Variants in IQCB1 observed in about 807,000 individuals in gnomAD.
The protein encoded by IQCB1 is IQ calmodulin-binding motif-containing protein 1.
A neutral mutation model predicts 84.4 loss-of-function variants in IQCB1; 56 were observed. The ratio of observed to expected loss-of-function variants is 0.66; its 90% confidence interval spans 0.54 to 0.83. The LOEUF (loss-of-function observed/expected upper bound fraction) is 0.83, where lower values mean the gene tolerates loss of function less well. Ranked by LOEUF, IQCB1 falls within the 40% of genes least tolerant of loss-of-function variation. The pLI, the probability that IQCB1 is intolerant of heterozygous loss-of-function variation, is 0.00. For missense variants in IQCB1, 629 were observed against 682.1 expected (o/e 0.92, Z 0.87); for synonymous variants, 210 against 234.8 (o/e 0.89, Z 0.96).
chr3:121,781,914 C>A, intron 12 of IQCB1, 40 bp from the exon 13 acceptor site: 1 of 1,599,874 alleles, frequency 6.3e-7, no homozygotes, highest in South Asian at 1.1e-5. Flanking sequence ...TTTTTCTCCC[C>A]TAACTAATAG....
intron 5 of IQCB1, among the ~76,000 whole-genome samples, chr3:121,822,862 T>C (rs1950324775): frequency 2.0e-5 from 3 of 152,196 alleles, no homozygotes. Context: ...TACGAATTTC[T>C]ACAATGTGTC....
At chr3:121,797,278 A>G (rs1398631919) in intron 8 of IQCB1, 51 bp from the exon 9 acceptor site, 1 of 843,008 alleles carries the variant, frequency 1.2e-6, no homozygotes, top group Admixed American at 2.2e-5. Context: ...ATAAAATATG[A>G]TTTTGTTATC....
At position 121,799,258 on chromosome 3, in the gene IQCB1, A is replaced by C. The variant is rs1949315817; in HGVS notation, c.704T>G (p.Leu235Arg). 1 of 1,611,036 alleles carries C rather than the reference A, an allele frequency of 6.2e-7. No homozygotes were observed. The highest frequency in any genetic ancestry group is 8.5e-7 in the Non-Finnish European group (1 of 1,178,008). The change falls in exon 8 of 15, where the codon CTG becomes CGG. Residue 235 changes from leucine (L) to arginine (R), a missense_variant. Physicochemically the swap from Leu to Arg is moderately radical, Grantham distance 102 (BLOSUM62 -2). Transcript: ENST00000310864. ...TTCCTGATGGGATTCAGCCATCAAC[A>C]GTAGGAGTTTTGTAGCAGTACTTCT... ...VIRSTATKLL[L>R]LMAESHQEIL...
At chr3:121,808,437 T>C (rs1050702492) in intron 6 of IQCB1, among the ~76,000 whole-genome samples, 4 of 151,990 alleles carry the variant, frequency 2.6e-5, no homozygotes, top group African/African-American at 9.7e-5. Context: ...TACATGTTTA[T>C]ATCTCTCAAT....
rs1436974051 is a variant in IQCB1 at position 121,788,317 on chromosome 3, TATGAGAGA to T, written c.1237_1244del (p.Ser413ArgfsTer3). The T allele has an allele frequency of 6.2e-7, 1 of 1,613,880 alleles. No homozygotes were observed. The highest frequency in any genetic ancestry group is 8.5e-7 in the Non-Finnish European group (1 of 1,179,960). On this transcript the variant is annotated frameshift_variant, in exon 12 of 15. Coordinates refer to ENST00000310864, the MANE Select transcript of IQCB1 (RefSeq NM_001023570.4). LOFTEE classifies it high-confidence loss of function. ...GAAGTGTGACAGCTGCTTTATACTC[TATGAGAGA>T]CTGCCTCTGTTGGTGAAAATTTTTC...
chr3:121,797,902 T>C (rs1314078075), intron 8 of IQCB1, among the ~76,000 whole-genome samples: 1 of 151,932 alleles, frequency 6.6e-6, no homozygotes. Context: ...TAAGGTAAAA[T>C]TGCCTTGTAG....
At chr3:121,782,483 G>C (rs1948541563) in intron 12 of IQCB1, among the ~76,000 whole-genome samples, 2 of 152,188 alleles carry the variant, frequency 1.3e-5, no homozygotes, top group Non-Finnish European at 2.9e-5. Flanking sequence ...GCCAAATCCA[G>C]CCTGCTGCCT....
chr3:121,781,694 A>T, intron 13 of IQCB1, 49 bp downstream of exon 13: 1 of 1,513,868 alleles, frequency 6.6e-7, no homozygotes, highest in South Asian at 1.1e-5. Context: ...AGTTATCAAT[A>T]TCATGCATTG....
intron 10 of IQCB1, 118 bp downstream of exon 10, chr3:121,795,339 A>G (rs944823299): frequency 5.1e-5 from 37 of 724,876 alleles, no homozygotes; most frequent in Admixed American, 3.1e-4. Context: ...GTATGGAAAA[A>G]AAATGAAAAG....
At chr3:121,829,241 G>A (rs1305139295) in intron 2 of IQCB1, among the ~76,000 whole-genome samples, 1 of 152,152 alleles carries the variant, frequency 6.6e-6, no homozygotes, top group Non-Finnish European at 1.5e-5. Flanking sequence ...AACTGTGATA[G>A]GAGCTTCACA....
chr3:121,801,468 T>A (rs1949403418), intron 7 of IQCB1, among the ~76,000 whole-genome samples: 1 of 152,082 alleles, frequency 6.6e-6, no homozygotes, highest in Non-Finnish European at 1.5e-5. Flanking sequence ...CACAGTCTAA[T>A]CACCCAATAC....
chr3:121,795,477 A>C lies in IQCB1; in HGVS notation c.966T>G (p.Ile322Met). Reference protein sequence around the residue: ...KRLKKLPSAVIALQRSFRSKR... With the variant: ...KRLKKLPSAVMALQRSFRSKR... The stretch of plus-strand genomic sequence containing the variant: ...TTTACCTGAAACTCCTCTGCAAAGC[A>C]ATCACAGCAGATGGAAGCTTCTTTA... Residue 322 changes from isoleucine (I) to methionine (M), a missense_variant, in exon 10 of 15, where the codon ATT becomes ATG. Transcript: ENST00000310864. 1 of 1,600,878 alleles carries C rather than the reference A, an allele frequency of 6.2e-7. No homozygotes were observed. Among genetic ancestry groups the C allele is most frequent in the Non-Finnish European group, 8.6e-7 (1 of 1,169,546 alleles).
chr3:121,800,044 C>G (rs1238458367), intron 7 of IQCB1, among the ~76,000 whole-genome samples: 1 of 151,750 alleles, frequency 6.6e-6, no homozygotes, highest in Non-Finnish European at 1.5e-5. Context: ...TAGAGGTTGG[C>G]TGGTAGAAAA....
In IQCB1 at chr3:121,781,725, G is replaced by A. The variant is rs886038375; in HGVS notation, c.1410+18C>T. The A allele has an allele frequency of 3.1e-6, 5 of 1,607,104 alleles. No homozygotes were observed. In the South Asian group the frequency reaches 3.3e-5, roughly 11 times the overall value. On this transcript the variant is annotated intron_variant, in intron 13 of 14. Coordinates refer to ENST00000310864, the MANE Select transcript of IQCB1 (RefSeq NM_001023570.4). Reference sequence around the variant, plus strand: ...CATTGGAATAATGTAATACTGATATGGTACAGAAGCTTCATACCAAATGTC... The same window carrying A: ...CATTGGAATAATGTAATACTGATATAGTACAGAAGCTTCATACCAAATGTC...
chr3:121,831,903 T>C (rs1266410363), intron 2 of IQCB1, among the ~76,000 whole-genome samples: 1 of 152,240 alleles, frequency 6.6e-6, no homozygotes. Flanking sequence ...GTTATCTCAT[T>C]CTCTCCAAAT....
rs753962090 is a variant in IQCB1, at chr3:121,834,471, C to T, written c.-93G>A. On this transcript the variant is annotated 5_prime_UTR_variant, in exon 2 of 15. It introduces an in-frame stop codon into an upstream open reading frame of the 5' UTR. Transcript: ENST00000310864. ...CCCTCGCCGCGCCTGTTACTGCCTC[C>T]ACGGATCACTGTGAGGAAAATAAAT... The T allele has an allele frequency of 1.2e-4, 18 of 152,238 alleles. No homozygotes were observed. Among genetic ancestry groups the T allele is most frequent in the Admixed American group, 2.6e-4 (4 of 15,276 alleles). 9.4% of individuals were successfully genotyped at this position (152,238 alleles called of 1,614,324 possible).
chr3:121,810,706 A>G (rs1282777999), intron 5 of IQCB1, among the ~76,000 whole-genome samples: 4 of 152,168 alleles, frequency 2.6e-5, no homozygotes, highest in African/African-American at 9.7e-5. Context: ...TATTAATGGG[A>G]CAGAAATTAT....
At position 121,772,654 on chromosome 3, in the gene IQCB1, C is replaced by G. The variant is rs754875338; in HGVS notation, c.1470G>C (p.Leu490=). The G allele has an allele frequency of 5.1e-5, 82 of 1,614,096 alleles. No homozygotes were observed. Among genetic ancestry groups the G allele is most frequent in the Non-Finnish European group, 6.7e-5 (79 of 1,180,054 alleles). ...GGGCCCTGCCCATAAAGTAGTGTTG[C>G]AGTCGTTCTTGAGCTTGGGCATGGA... The part of the protein sequence containing the change: ...RELHAQAQER[L]QHYFMGRALE... The change falls in exon 14 of 15, where the codon CTG becomes CTC. Residue 490 remains leucine, a synonymous_variant. Coordinates refer to ENST00000310864, the MANE Select transcript of IQCB1 (RefSeq NM_001023570.4).
rs1456352824 is a variant in IQCB1, at chr3:121,769,812, T to C, written c.*533A>G. On this transcript the variant is annotated 3_prime_UTR_variant, in exon 15 of 15. Coordinates refer to ENST00000310864, the MANE Select transcript of IQCB1 (RefSeq NM_001023570.4). The stretch of plus-strand genomic sequence containing the variant: ...AAGAATGCATTTTTTTGGTATGCAG[T>C]TCCTTTTAGAAATAACAAAATAGAA... The C allele has an allele frequency of 6.5e-6, 1 of 153,818 alleles. No individual in the cohort carries two copies. Among genetic ancestry groups the C allele is most frequent in the Non-Finnish European group, 1.4e-5 (1 of 69,106 alleles). 9.5% of individuals were successfully genotyped at this position (153,818 alleles called of 1,614,324 possible).
Sources: allele counts gnomAD v4.1 joint callset (sites outside exome capture counted in the v4.1 genomes callset), GRCh38; gene constraint gnomAD v4.1.1; transcripts MANE v1.5; gene names NCBI Gene and HGNC (gene_info 2026-07-23, HGNC 2026-07-21).